The following NBDY variants were observed in gnomAD, a reference collection of about 807,000 sequenced individuals.
NBDY encodes P-body dissociating protein.
In NBDY at chrX:56,787,530, T is replaced by C. The variant is rs183130269; in HGVS notation, c.*167-29790T>C. On this transcript the variant is annotated intron_variant, in intron 2 of 2. Transcript: ENST00000374922. ...TTATTGGGCAACTAAGGCCTTCTTCTGAACATAAATGCAGGAAGTCTGTTA... is the reference window on the plus strand; with the variant it reads ...TTATTGGGCAACTAAGGCCTTCTTCCGAACATAAATGCAGGAAGTCTGTTA... Among the ~76,000 whole-genome samples the C allele has an allele frequency of 1.3e-4, 14 of 111,839 alleles. No individual in the cohort carries two copies. The East Asian group carries it at 3.7e-3, about 29-fold the overall frequency.
At chrX:56,802,115 C>A (rs899156472) in intron 2 of NBDY, among the ~76,000 whole-genome samples, 5 of 111,710 alleles carry the variant, frequency 4.5e-5, no homozygotes, top group African/African-American at 9.8e-5. Flanking sequence ...CACGAACTCT[C>A]CCATAAAGGC....
intron 2 of NBDY, among the ~76,000 whole-genome samples, chrX:56,785,033 A>G (rs2069719188): frequency 9.0e-6 from 1 of 111,257 alleles, no homozygotes; most frequent in Non-Finnish European, 1.9e-5. Context: ...GCAGAGTTTC[A>G]TAGGACAGAA....
intron 2 of NBDY, among the ~76,000 whole-genome samples, chrX:56,806,324 G>A (rs549841778): frequency 9.0e-6 from 1 of 111,545 alleles, no homozygotes; most frequent in Middle Eastern, 4.6e-3. Flanking sequence ...TAATCCTTTG[G>A]GTATGTACCC....
At chrX:56,760,927 G>A (rs764206695) in intron 2 of NBDY, among the ~76,000 whole-genome samples, 262 of 111,319 alleles carry the variant, frequency 2.4e-3, no homozygotes, top group South Asian at 5.3e-3. Flanking sequence ...AAGGTGTGAG[G>A]GGCTACAGGG....
chrX:56,804,621 G>C (rs986063754), intron 2 of NBDY, among the ~76,000 whole-genome samples: 2 of 112,424 alleles, frequency 1.8e-5, no homozygotes, highest in African/African-American at 6.5e-5. Context: ...GAAGGTTGAG[G>C]CTGGCGTGTC....
intron 1 of NBDY, among the ~76,000 whole-genome samples, chrX:56,731,590 A>T (rs765742583): frequency 1.8e-5 from 2 of 110,298 alleles, no homozygotes; most frequent in Non-Finnish European, 3.8e-5. Flanking sequence ...TAAATAAATA[A>T]TTTTAAAAAA....
chrX:56,758,578 T>C (rs935276608), intron 2 of NBDY, among the ~76,000 whole-genome samples: 6 of 111,437 alleles, frequency 5.4e-5, no homozygotes, highest in Admixed American at 2.8e-4. Flanking sequence ...TTGGCATATT[T>C]GATGATGGAG....
intron 2 of NBDY, among the ~76,000 whole-genome samples, chrX:56,767,693 A>T (rs747798915): frequency 2.1e-3 from 239 of 112,324 alleles, no homozygotes; most frequent in African/African-American, 5.6e-3. Flanking sequence ...TTTCTTTTAT[A>T]ATTATGTTTT....
At chrX:56,744,694 G>T (rs1338032602) in intron 2 of NBDY, among the ~76,000 whole-genome samples, 1 of 110,949 alleles carries the variant, frequency 9.0e-6, no homozygotes, top group Non-Finnish European at 1.9e-5. Flanking sequence ...ATGTATTGTA[G>T]TGCCATTCTT....
chrX:56,783,304 A>C (rs1192560745), intron 2 of NBDY, among the ~76,000 whole-genome samples: 1 of 112,956 alleles, frequency 8.9e-6, no homozygotes, highest in Non-Finnish European at 1.9e-5. Context: ...TGAGTCGCCC[A>C]ACACTCAACA....
intron 2 of NBDY, among the ~76,000 whole-genome samples, chrX:56,797,821 T>C (rs1341232851): frequency 9.0e-6 from 1 of 111,389 alleles, no homozygotes; most frequent in African/African-American, 3.3e-5. Flanking sequence ...ACAGAACACA[T>C]GCACACACTC....
intron 1 of NBDY, among the ~76,000 whole-genome samples, chrX:56,730,367 C>T (rs1435106180): frequency 9.4e-6 from 1 of 106,416 alleles, no homozygotes; most frequent in African/African-American, 3.4e-5. Flanking sequence ...AAAAATTAGC[C>T]AGGCGTGATG....
intron 2 of NBDY, among the ~76,000 whole-genome samples, chrX:56,738,388 GT>G (rs1167640515): frequency 8.9e-6 from 1 of 111,931 alleles, no homozygotes; most frequent in African/African-American, 3.2e-5. Flanking sequence ...CAATTCTGCA[GT>G]GGACACCAGC....
At chrX:56,739,238 G>GTGTA (rs1556001298) in intron 2 of NBDY, among the ~76,000 whole-genome samples, 2 of 59,632 alleles carry the variant, frequency 3.4e-5, no homozygotes, top group Non-Finnish European at 5.9e-5. Flanking sequence ...GTTTGTGTGT[G>GTGTA]TATATATATA....
intron 2 of NBDY, among the ~76,000 whole-genome samples, chrX:56,817,115 T>A (rs1321529401): frequency 9.0e-6 from 1 of 111,645 alleles, no homozygotes; most frequent in Non-Finnish European, 1.9e-5. Context: ...TCAAATACAT[T>A]AGATACCAAA....
intron 2 of NBDY, among the ~76,000 whole-genome samples, chrX:56,761,589 T>A (rs1336036714): frequency 8.8e-6 from 1 of 113,357 alleles, no homozygotes; most frequent in Non-Finnish European, 1.9e-5. Context: ...TCCTCATTGC[T>A]CACGTTGATT....
chrX:56,736,138 G>T (rs774164952), intron 2 of NBDY, among the ~76,000 whole-genome samples: 85 of 111,762 alleles, frequency 7.6e-4, no homozygotes, highest in African/African-American at 2.6e-3. Context: ...GCAATGACTC[G>T]TCCTGGAAAA....
chrX:56,735,945 CAAAAAA>C (rs35820296), intron 2 of NBDY, among the ~76,000 whole-genome samples: 2 of 64,361 alleles, frequency 3.1e-5, no homozygotes, highest in East Asian at 1.1e-3. Context: ...ATCTGACTAG[CAAAAAA>C]AAAAAAAAAA....
At chrX:56,802,815 CG>C (rs1223279576) in intron 2 of NBDY, among the ~76,000 whole-genome samples, 18 of 112,803 alleles carry the variant, frequency 1.6e-4, no homozygotes, top group Middle Eastern at 4.6e-3. Flanking sequence ...CAAAGGCTGG[CG>C]GCATAAAGAG....
Sources: gnomAD v4.1 joint callset for allele counts (sites outside exome capture counted in the v4.1 genomes callset) on GRCh38, gnomAD v4.1.1 for gene constraint, MANE v1.5 for transcripts, NCBI Gene and HGNC (gene_info 2026-07-23, HGNC 2026-07-21) for gene names.